The following RELN variants were observed in gnomAD, a reference collection of about 807,000 sequenced individuals.
RELN encodes the protein reelin.
In RELN, 108 loss-of-function variants were observed where a neutral mutation model predicts 427.6. The observed-to-expected ratio is 0.25, with a 90% CI of 0.22 to 0.30. RELN has a LOEUF of 0.30. RELN is among the 10% of genes least tolerant of loss of function. The pLI is 1.00. For missense variants in RELN, 3,715 were observed against 4,302.8 expected (o/e 0.86, Z 3.82); for synonymous variants, 1,524 against 1,513.4 (o/e 1.01, Z -0.16).
intron 12 of RELN, among the ~76,000 whole-genome samples, chr7:103,658,004 T>A (rs570528676): frequency 1.3e-5 from 2 of 152,110 alleles, no homozygotes; most frequent in East Asian, 1.9e-4. Context: ...AAGGGTACAA[T>A]GTGAGCTAAA....
intron 3 of RELN, among the ~76,000 whole-genome samples, chr7:103,788,163 A>T (rs1033175689): frequency 2.0e-5 from 3 of 152,228 alleles, no homozygotes; most frequent in Admixed American, 2.0e-4. Flanking sequence ...AACACTCAAT[A>T]AACTAGGTAT....
At chr7:103,809,166 G>A (rs572138982) in intron 3 of RELN, among the ~76,000 whole-genome samples, 140 of 152,210 alleles carry the variant, frequency 9.2e-4, no homozygotes, top group African/African-American at 3.3e-3. Flanking sequence ...CAATTCTGAG[G>A]GACACATTTC....
At chr7:103,828,877 G>A (rs573177954) in intron 3 of RELN, among the ~76,000 whole-genome samples, 10 of 152,006 alleles carry the variant, frequency 6.6e-5, no homozygotes, top group African/African-American at 2.2e-4. Flanking sequence ...ATGCCATACT[G>A]CAAACTCTTA....
intron 7 of RELN, among the ~76,000 whole-genome samples, chr7:103,726,000 T>C (rs769835400): frequency 4.6e-5 from 7 of 152,186 alleles, no homozygotes; most frequent in Non-Finnish European, 1.0e-4. Context: ...TCAGTAAGAA[T>C]GGGCTTTATG....
intron 2 of RELN, among the ~76,000 whole-genome samples, chr7:103,900,962 GA>G (rs59742395): frequency 0.13 from 19,541 of 151,234 alleles, 1,595 homozygotes; most frequent in East Asian, 0.32. Context: ...TCTTTGGGGT[GA>G]AAAAAAACTC....
chr7:103,907,471 T>C (rs1795239272), intron 2 of RELN, among the ~76,000 whole-genome samples: 1 of 140,968 alleles, frequency 7.1e-6, no homozygotes, highest in Non-Finnish European at 1.5e-5. Flanking sequence ...GCATGTTATA[T>C]GGTTCCACTT....
At chr7:103,938,537 G>C (rs921214338) in intron 1 of RELN, among the ~76,000 whole-genome samples, 2 of 151,982 alleles carry the variant, frequency 1.3e-5, no homozygotes, top group African/African-American at 4.8e-5. Context: ...CTAAAACCTT[G>C]TCTAATCCTA....
At chr7:103,574,399 AC>A (rs1830951597) in intron 29 of RELN, 100 bp from the exon 30 acceptor site, 1 of 988,104 alleles carries the variant, frequency 1.0e-6, no homozygotes, top group African/African-American at 1.6e-5. Context: ...ATAGGGATTA[AC>A]ATTAGGGAGA....
chr7:103,598,522 C>T lies in RELN; in HGVS notation c.3334-1861G>A, dbSNP rs3025958. 7.3e-3 allele frequency among the ~76,000 whole-genome samples: 1,112 copies of T among 152,248 alleles called. 31 individuals carry two copies. The highest frequency in any genetic ancestry group is 0.063 in the East Asian group (329 of 5,184). ...GGAAATGAGCCAGAAGGATAAAGATCTAAGGTGAGGGGAATTCTAAAAATC... is the reference window on the plus strand; with the variant it reads ...GGAAATGAGCCAGAAGGATAAAGATTTAAGGTGAGGGGAATTCTAAAAATC... On this transcript the variant is annotated intron_variant, in intron 24 of 64. Coordinates refer to ENST00000428762, the MANE Select transcript of RELN (RefSeq NM_005045.4).
At chr7:103,647,620 C>G (rs770954100) in intron 16 of RELN, among the ~76,000 whole-genome samples, 8 of 151,428 alleles carry the variant, frequency 5.3e-5, no homozygotes, top group Non-Finnish European at 1.0e-4. Flanking sequence ...TTAAAATGAT[C>G]ACACTGCCCA....
At chr7:103,952,151 T>G (rs1228085238) in intron 1 of RELN, among the ~76,000 whole-genome samples, 1 of 152,254 alleles carries the variant, frequency 6.6e-6, no homozygotes, top group East Asian at 1.9e-4. Flanking sequence ...TAGAGCTTAT[T>G]TAACCAGTAG....
intron 47 of RELN, among the ~76,000 whole-genome samples, chr7:103,523,030 C>T (rs1193121106): frequency 6.6e-6 from 1 of 152,102 alleles, no homozygotes; most frequent in African/African-American, 2.4e-5. Context: ...TATATTCAGA[C>T]CTAAGTGAGA....
intron 6 of RELN, among the ~76,000 whole-genome samples, chr7:103,744,236 C>A (rs374951894): frequency 6.6e-6 from 1 of 152,200 alleles, no homozygotes; most frequent in Non-Finnish European, 1.5e-5. Flanking sequence ...ACACAACATA[C>A]CAGAATCTCT....
rs552348577 is a variant in RELN, at chr7:103,832,434, G to A, written c.473+1103C>T. ...AAAACAAAAACACAAAAAAAACAAC[G>A]AAAAACTGAAAAACAATTCTTGCCT... On this transcript the variant is annotated intron_variant, in intron 3 of 64. Coordinates refer to ENST00000428762, the MANE Select transcript of RELN (RefSeq NM_005045.4). Among the ~76,000 whole-genome samples, 4 of 151,972 alleles carry A rather than the reference G, an allele frequency of 2.6e-5. No homozygotes were observed. In the South Asian group the frequency reaches 6.2e-4, roughly 24 times the overall value.
chr7:103,757,117 C>T (rs1314597541), intron 4 of RELN, among the ~76,000 whole-genome samples: 2 of 152,086 alleles, frequency 1.3e-5, no homozygotes, highest in East Asian at 3.9e-4. Flanking sequence ...TTAGTATACT[C>T]CCATTTGGAT....
chr7:103,817,779 C>T (rs529712727), intron 3 of RELN, among the ~76,000 whole-genome samples: 21 of 151,510 alleles, frequency 1.4e-4, no homozygotes, highest in Admixed American at 5.3e-4. Flanking sequence ...AACCTCGTTT[C>T]TACTAAAAAT....
At chr7:103,550,661 T>C (rs1830390660) in intron 41 of RELN, among the ~76,000 whole-genome samples, 1 of 151,574 alleles carries the variant, frequency 6.6e-6, no homozygotes, top group South Asian at 2.1e-4. Flanking sequence ...TTCTGTGGGC[T>C]TCTATGCTCC....
chr7:103,699,592 C>A (rs1834049443), intron 9 of RELN, among the ~76,000 whole-genome samples: 1 of 151,936 alleles, frequency 6.6e-6, no homozygotes, highest in African/African-American at 2.4e-5. Flanking sequence ...ATATCAAAAA[C>A]ATGTAGCTGT....
intron 2 of RELN, among the ~76,000 whole-genome samples, chr7:103,850,974 C>T (rs1419439409): frequency 6.6e-6 from 1 of 152,170 alleles, no homozygotes; most frequent in Non-Finnish European, 1.5e-5. Context: ...ATCCAGCAAT[C>T]CCACAACTGG....
Sources: gnomAD v4.1 joint callset for allele counts (sites outside exome capture counted in the v4.1 genomes callset) on GRCh38, gnomAD v4.1.1 for gene constraint, MANE v1.5 for transcripts, NCBI Gene and HGNC (gene_info 2026-07-23, HGNC 2026-07-21) for gene names.